ZPLD1: variants seen among roughly 807,000 people sequenced by gnomAD.
The protein encoded by ZPLD1 is zona pellucida like domain containing 1, also known as zona pellucida-like domain-containing protein 1.
Under a neutral mutation model 47.2 loss-of-function variants are expected in ZPLD1, and 34 were observed. That is an observed-to-expected ratio of 0.72 (90% CI 0.55 to 0.96). The LOEUF (loss-of-function observed/expected upper bound fraction) is 0.96, where lower values mean the gene tolerates loss of function less well. ZPLD1 is among the 40% of genes least tolerant of loss of function. The pLI is 0.00. For missense variants in ZPLD1, 512 were observed against 505.8 expected (o/e 1.01, Z -0.12); for synonymous variants, 176 against 186.2 (o/e 0.95, Z 0.45).
At chr3:102,414,055 G>A (rs1341300195) in intron 7 of ZPLD1, among the ~76,000 whole-genome samples, 1 of 151,718 alleles carries the variant, frequency 6.6e-6, no homozygotes, top group Non-Finnish European at 1.5e-5. Context: ...CATGATTCCT[G>A]TTACTTGCTG....
intron 6 of ZPLD1, among the ~76,000 whole-genome samples, chr3:102,387,700 T>C (rs1706446212): frequency 6.6e-6 from 1 of 152,132 alleles, no homozygotes; most frequent in Non-Finnish European, 1.5e-5. Context: ...TAAATTTTAA[T>C]CCCTTCTGAA....
chr3:102,416,455 T>C (rs950256578), intron 7 of ZPLD1, among the ~76,000 whole-genome samples: 1 of 151,902 alleles, frequency 6.6e-6, no homozygotes, highest in African/African-American at 2.4e-5. Context: ...GTAGAAGACA[T>C]GATGGATATG....
At chr3:102,458,618 A>G (rs1385097075) in intron 6 of ZPLD1, among the ~76,000 whole-genome samples, 1 of 152,194 alleles carries the variant, frequency 6.6e-6, no homozygotes, top group Non-Finnish European at 1.5e-5. Context: ...TTTAAAAGTC[A>G]GTGCTTTATA....
intron 10 of ZPLD1, among the ~76,000 whole-genome samples, chr3:102,475,740 C>G (rs1026969929): frequency 6.6e-6 from 1 of 151,758 alleles, no homozygotes; most frequent in African/African-American, 2.4e-5. Context: ...TCTAAAGAAC[C>G]CTATGAATGA....
chr3:102,474,472 C>T (rs914508943), intron 10 of ZPLD1, among the ~76,000 whole-genome samples: 53 of 152,226 alleles, frequency 3.5e-4, no homozygotes, highest in African/African-American at 1.3e-3. Flanking sequence ...ACTTTGTCCT[C>T]AGGGATCTTA....
At chr3:102,420,585 G>A (rs1268666676) in intron 8 of ZPLD1, among the ~76,000 whole-genome samples, 1 of 151,616 alleles carries the variant, frequency 6.6e-6, no homozygotes, top group Non-Finnish European at 1.5e-5. Context: ...CACTTTTCAC[G>A]CAAGGTTATT....
chr3:102,469,136 G>T lies in ZPLD1; in HGVS notation c.933+1G>T, dbSNP rs2107353693. The T allele has an allele frequency of 6.2e-7, 1 of 1,604,864 alleles. No homozygotes were observed. Among genetic ancestry groups the T allele is most frequent in the Non-Finnish European group, 8.5e-7 (1 of 1,176,900 alleles). On this transcript the variant is annotated splice_donor_variant, in intron 9 of 11. Transcript: ENST00000466937. LOFTEE classifies it high-confidence loss of function. ...AGATGACTGCCCCTTCCTTATGCCG[G>T]TATGTTTTTAAGGAACTTCATTTTA...
chr3:102,462,609 G>A (rs1250247169), intron 7 of ZPLD1, among the ~76,000 whole-genome samples: 3 of 151,818 alleles, frequency 2.0e-5, no homozygotes, highest in African/African-American at 4.8e-5. Context: ...AAGGGGGGTG[G>A]TTCTTGGAAC....
chr3:102,462,435 A>G (rs1403116828), intron 7 of ZPLD1, 57 bp downstream of exon 7: 1 of 1,207,910 alleles, frequency 8.3e-7, no homozygotes, highest in Non-Finnish European at 1.2e-6. Context: ...CTAAATCCTC[A>G]TGAGTCATAA....
At chr3:102,391,469 G>T (rs1706494401) in intron 6 of ZPLD1, among the ~76,000 whole-genome samples, 1 of 152,036 alleles carries the variant, frequency 6.6e-6, no homozygotes, top group Admixed American at 6.5e-5. Context: ...GAAATGATAT[G>T]ATGTGATTTC....
At chr3:102,394,167 G>C (rs1706532126) in intron 7 of ZPLD1, among the ~76,000 whole-genome samples, 1 of 152,128 alleles carries the variant, frequency 6.6e-6, no homozygotes, top group Non-Finnish European at 1.5e-5. Flanking sequence ...TGTGTCTGCA[G>C]AAATTACCTA....
chr3:102,455,753 G>T (rs756940991), intron 4 of ZPLD1, among the ~76,000 whole-genome samples: 7 of 152,308 alleles, frequency 4.6e-5, no homozygotes, highest in Non-Finnish European at 8.8e-5. Flanking sequence ...CTTAGGGAAG[G>T]TGAGATCCTG....
rs1177468954 is a variant in ZPLD1 at position 102,464,252 on chromosome 3, G to A, written c.761+1G>A. The stretch of plus-strand genomic sequence containing the variant: ...ACATTCGATATGATCTTTTCCTTAG[G>A]TAAGACTTAGCTGTCTAAGTATTAT... On this transcript the variant is annotated splice_donor_variant, in intron 8 of 11. Transcript: ENST00000466937. LOFTEE classifies it high-confidence loss of function. The A allele has an allele frequency of 1.9e-5, 31 of 1,605,220 alleles. No individual in the cohort carries two copies. The highest frequency in any genetic ancestry group is 2.6e-5 in the Non-Finnish European group (31 of 1,172,160).
At chr3:102,456,595 C>T (rs963163510) in intron 5 of ZPLD1, among the ~76,000 whole-genome samples, 1 of 114,336 alleles carries the variant, frequency 8.7e-6, no homozygotes, top group Non-Finnish European at 1.9e-5. Context: ...CTATCTATCT[C>T]TAATTGTTAT....
Position 102,405,130 on chromosome 3 carries a change from G to A in ZPLD1, c.-157+12905G>A, listed in dbSNP as rs150698312. Among the ~76,000 whole-genome samples the A allele has an allele frequency of 3.3e-3, 495 of 152,046 alleles. 2 individuals are homozygous for A. The highest frequency in any genetic ancestry group is 0.011 in the African/African-American group (455 of 41,520). On this transcript the variant is annotated intron_variant, in intron 7 of 17. Transcript: ENST00000491959. Reference sequence around the variant, plus strand: ...AGTGGAGTAGAGTCATGAGAAAAGCGTTTGTTTTATGATAATCCCAAAGCA... The same window carrying A: ...AGTGGAGTAGAGTCATGAGAAAAGCATTTGTTTTATGATAATCCCAAAGCA...
intron 7 of ZPLD1, among the ~76,000 whole-genome samples, chr3:102,393,983 T>TA (rs1706530327): frequency 6.6e-6 from 1 of 152,114 alleles, no homozygotes; most frequent in South Asian, 2.1e-4. Context: ...CAGTGCAAGG[T>TA]AAAATTGATG....
chr3:102,398,240 T>C (rs1706578994), intron 7 of ZPLD1, among the ~76,000 whole-genome samples: 1 of 152,122 alleles, frequency 6.6e-6, no homozygotes, highest in African/African-American at 2.4e-5. Context: ...ATTATTTATC[T>C]AGTGGGTTGC....
chr3:102,437,196 G>A (rs1274217993), intron 2 of ZPLD1, among the ~76,000 whole-genome samples: 2 of 152,188 alleles, frequency 1.3e-5, no homozygotes. Context: ...TAGGCATATG[G>A]CTGTTCTCTC....
Position 102,452,907 on chromosome 3 carries a change from T to G in ZPLD1, c.107-12T>G. On this transcript the variant is annotated splice_polypyrimidine_tract_variant and intron_variant, in intron 3 of 11. Coordinates refer to ENST00000466937, the MANE Select transcript of ZPLD1 (RefSeq NM_001329788.2). ...CTGACTTATGTTTGTTTTTTATATA[T>G]TTTTATTTCAGCTGAAAGAGACATC... 6.2e-7 allele frequency: 1 copy of G among 1,610,972 alleles called. No homozygotes were observed.
Sources: allele counts gnomAD v4.1 joint callset (sites outside exome capture counted in the v4.1 genomes callset), GRCh38; gene constraint gnomAD v4.1.1; transcripts MANE v1.5; gene names NCBI Gene and HGNC (gene_info 2026-07-23, HGNC 2026-07-21).